The following IL18RAP variants were observed in gnomAD, a reference collection of about 807,000 sequenced individuals.
The protein encoded by IL18RAP is interleukin 18 receptor accessory protein.
In IL18RAP, 37 loss-of-function variants were observed where a neutral mutation model predicts 58.1. That is an observed-to-expected ratio of 0.64 (90% CI 0.49 to 0.84). The LOEUF (loss-of-function observed/expected upper bound fraction) is 0.84. Among genes scored for constraint, IL18RAP ranks in the 40% least tolerant of loss-of-function variants. The probability of loss-of-function intolerance (pLI) is 0.00; values close to 1 mark genes in which losing one functional copy is unlikely to be tolerated. For missense variants in IL18RAP, 667 were observed against 704.8 expected (o/e 0.95, Z 0.61); for synonymous variants, 268 against 257.5 (o/e 1.04, Z -0.39).
At chr2:102,424,899 A>C (rs1201253242) in intron 3 of IL18RAP, among the ~76,000 whole-genome samples, 1 of 152,228 alleles carries the variant, frequency 6.6e-6, no homozygotes, top group Non-Finnish European at 1.5e-5. Context: ...GATGTCTTGC[A>C]CAGGTGAGAT....
At chr2:102,422,174 A>AACCAAGACTCT (rs1681616679), upstream of IL18RAP, among the ~76,000 whole-genome samples, 1 of 152,076 alleles carries the variant, frequency 6.6e-6, no homozygotes, top group South Asian at 2.1e-4. Flanking sequence ...TTGGTGGCCA[A>AACCAAGACTCT]ACCAAGACTC....
rs770171709 is a variant in IL18RAP at position 102,451,822 on chromosome 2, T to A, written c.1441T>A (p.Leu481Met). Residue 481 changes from leucine to methionine, a missense_variant, in exon 10 of 10, where the codon TTG becomes ATG. Transcript: ENST00000687160. ...GAGAAGCAGAAGAGGAATATTTATCTTGAGCCCCAACTATGTCAATGGACC... is the reference window on the plus strand; with the variant it reads ...GAGAAGCAGAAGAGGAATATTTATCATGAGCCCCAACTATGTCAATGGACC... ...IKRSRRGIFI[L>M]SPNYVNGPSI... The A allele has an allele frequency of 6.2e-7, 1 of 1,614,070 alleles. No homozygotes were observed.
chr2:102,423,052 TACTC>T (rs1197257835), upstream of IL18RAP: 5 of 574,334 alleles, frequency 8.7e-6, no homozygotes, highest in African/African-American at 5.6e-5. Context: ...CCATTGGAAA[TACTC>T]ACGTAAGTTA....
chr2:102,437,255 T>C lies in IL18RAP; in HGVS notation c.623T>C (p.Val208Ala), dbSNP rs777637812. The part of the protein sequence containing the change: ...LSVERSNRIV[V>A]DEVYDYHQGT... ...GTGGAAAGGAGCAACCGAATCGTAG[T>C]GGATGAAGTTTATGACTATCACCAG... is the stretch of plus-strand genomic sequence containing the variant. Residue 208 changes from valine to alanine, a missense_variant, in exon 4 of 10, where the codon GTG becomes GCG. Physicochemically the swap from Val to Ala is moderately conservative, Grantham distance 64 (BLOSUM62 0). Transcript: ENST00000687160. 1 of 1,613,546 alleles carries C rather than the reference T, an allele frequency of 6.2e-7. No individual in the cohort carries two copies. Among genetic ancestry groups the C allele is most frequent in the Non-Finnish European group, 8.5e-7 (1 of 1,179,750 alleles).
At chr2:102,450,240 GT>G (rs1683680434) in intron 8 of IL18RAP, among the ~76,000 whole-genome samples, 1 of 182 alleles carries the variant, frequency 5.5e-3, no homozygotes, top group South Asian at 0.12. Context: ...TATACATATA[GT>G]TTTCCATCTA....
At position 102,424,136 on chromosome 2, in the gene IL18RAP, G is replaced by A. The variant is rs1249560393; in HGVS notation, c.395+1G>A. Reference sequence around the variant, plus strand: ...ATATTTGTAGACCCAAGATGATTAAGTATGATCCAAATACATTTCTATCTG... The same window carrying A: ...ATATTTGTAGACCCAAGATGATTAAATATGATCCAAATACATTTCTATCTG... On this transcript the variant is annotated splice_donor_variant, in intron 2 of 9. Coordinates refer to ENST00000687160, the MANE Select transcript of IL18RAP (RefSeq NM_001393487.1). LOFTEE classifies it high-confidence loss of function. 6.2e-7 allele frequency: 1 copy of A among 1,609,952 alleles called. No individual in the cohort carries two copies. Among genetic ancestry groups the A allele is most frequent in the Non-Finnish European group, 8.5e-7 (1 of 1,177,206 alleles).
intron 5 of IL18RAP, among the ~76,000 whole-genome samples, chr2:102,442,696 A>C (rs1683177688): frequency 6.6e-6 from 1 of 152,232 alleles, no homozygotes; most frequent in Non-Finnish European, 1.5e-5. Flanking sequence ...CATAATATGC[A>C]TGCCCATCCA....
At chr2:102,432,676 G>A (rs1211846225) in intron 3 of IL18RAP, among the ~76,000 whole-genome samples, 5 of 152,190 alleles carry the variant, frequency 3.3e-5, no homozygotes, top group African/African-American at 1.2e-4. Context: ...CTGGACCTGG[G>A]TGGGGCCAGC....
intron 3 of IL18RAP, among the ~76,000 whole-genome samples, chr2:102,432,704 AC>A (rs1236117992): frequency 3.9e-5 from 6 of 152,170 alleles, no homozygotes; most frequent in Non-Finnish European, 8.8e-5. Context: ...TCTGCAGATA[AC>A]TGCTGACCTG....
At chr2:102,429,863 G>C (rs1477685336) in intron 3 of IL18RAP, among the ~76,000 whole-genome samples, 4 of 151,860 alleles carry the variant, frequency 2.6e-5, no homozygotes, top group Non-Finnish European at 1.5e-5. Context: ...TTCTGCATAT[G>C]TGCATATTTT....
intron 3 of IL18RAP, among the ~76,000 whole-genome samples, chr2:102,427,984 T>C (rs1682068817): frequency 1.3e-5 from 2 of 151,478 alleles, no homozygotes; most frequent in South Asian, 4.1e-4. Flanking sequence ...TGGCATCTTT[T>C]TTTTTTTTTT....
rs752339778 is a variant in IL18RAP at position 102,423,884 on chromosome 2, A to C, written c.144A>C (p.Leu48Phe). 5 of 1,613,838 alleles carry C rather than the reference A, an allele frequency of 3.1e-6. No individual in the cohort carries two copies. The Admixed American group carries it at 5.0e-5, about 16-fold the overall frequency. The change falls in exon 2 of 10, where the codon TTA (leucine) becomes TTC (phenylalanine). Residue 48 changes from leucine (L) to phenylalanine (F), a missense_variant. Physicochemically the swap from Leu to Phe is conservative, Grantham distance 22. Coordinates refer to ENST00000687160, the MANE Select transcript of IL18RAP (RefSeq NM_001393487.1). ...AGGAATTTGTCTTATTTTGTGATTTACCAGAGCCACAGAAATCACATTTCT... is the reference window on the plus strand; with the variant it reads ...AGGAATTTGTCTTATTTTGTGATTTCCCAGAGCCACAGAAATCACATTTCT... ...SEEEFVLFCD[L>F]PEPQKSHFCH...
chr2:102,423,115 C>A, upstream of IL18RAP: 1 of 715,926 alleles, frequency 1.4e-6, no homozygotes, highest in Non-Finnish European at 2.4e-6. Flanking sequence ...TCAAAGCTTC[C>A]TGTGTGAGAT....
chr2:102,424,172 C>A (rs1308788310), intron 2 of IL18RAP, 37 bp downstream of exon 2: 1 of 1,605,886 alleles, frequency 6.2e-7, no homozygotes, highest in South Asian at 1.1e-5. Flanking sequence ...AAAACATTTC[C>A]AAATCCTCTA....
chr2:102,444,822 A>T (rs1225784586), intron 6 of IL18RAP, among the ~76,000 whole-genome samples: 1 of 152,186 alleles, frequency 6.6e-6, no homozygotes. Flanking sequence ...AATGGAGGAC[A>T]TTAGAGTCCA....
intron 8 of IL18RAP, among the ~76,000 whole-genome samples, chr2:102,449,061 G>T (rs549715051): frequency 1.8e-5 from 1 of 56,060 alleles, no homozygotes; most frequent in East Asian, 2.9e-4. Flanking sequence ...TTGAAGTCTG[G>T]ATTTGAGATC....
chr2:102,442,738 C>T (rs11465708), intron 5 of IL18RAP, among the ~76,000 whole-genome samples: 16 of 142,428 alleles, frequency 1.1e-4, no homozygotes, highest in African/African-American at 3.8e-4. Context: ...TGCTTAATAT[C>T]GAAATAATTT....
chr2:102,438,869 T>C (rs1339498765), intron 4 of IL18RAP: 1 of 152,216 alleles, frequency 6.6e-6, no homozygotes, highest in African/African-American at 2.4e-5. Flanking sequence ...CAGGCTGTCA[T>C]AATACAGTGC....
intron 3 of IL18RAP, among the ~76,000 whole-genome samples, chr2:102,436,606 A>C (rs1682756074): frequency 6.6e-6 from 1 of 152,100 alleles, no homozygotes; most frequent in Non-Finnish European, 1.5e-5. Context: ...TTCCTCAATC[A>C]GAAAATAAAA....
Sources: allele counts gnomAD v4.1 joint callset (sites outside exome capture counted in the v4.1 genomes callset), GRCh38; gene constraint gnomAD v4.1.1; transcripts MANE v1.5; gene names NCBI Gene and HGNC (gene_info 2026-07-23, HGNC 2026-07-21).